Variants in PTPRT observed in about 807,000 individuals in gnomAD.
PTPRT encodes the protein receptor-type tyrosine-protein phosphatase T.
In PTPRT, 56 loss-of-function variants were observed where a neutral mutation model predicts 176.8. That is an observed-to-expected ratio of 0.32 (90% CI 0.26 to 0.40). The LOEUF (loss-of-function observed/expected upper bound fraction) is 0.40. Ranked by LOEUF, PTPRT falls within the 10% of genes least tolerant of loss-of-function variation. The pLI is 1.00. For synonymous variants in PTPRT, 783 were observed against 739.0 expected (o/e 1.06, Z -0.96); for missense variants, 1,540 against 1,908.2 (o/e 0.81, Z 3.60).
At chr20:42,161,036 C>T (rs6130062) in intron 17 of PTPRT, among the ~76,000 whole-genome samples, 45,896 of 151,838 alleles carry the variant, frequency 0.3, 7,906 homozygotes, top group Non-Finnish European at 0.36. Context: ...CTCCAAAGTG[C>T]AGAAACGTTG....
intron 2 of PTPRT, among the ~76,000 whole-genome samples, chr20:42,820,688 G>A (rs1047652606): frequency 2.6e-5 from 4 of 151,538 alleles, no homozygotes; most frequent in Non-Finnish European, 4.4e-5. Flanking sequence ...AAGAAGAGGA[G>A]AAAGAAGAAT....
At chr20:43,066,140 A>T (rs1317270473) in intron 1 of PTPRT, among the ~76,000 whole-genome samples, 2 of 151,966 alleles carry the variant, frequency 1.3e-5, no homozygotes, top group African/African-American at 4.8e-5. Context: ...TCTCCTTCCA[A>T]ATTTACATAA....
At chr20:42,184,781 C>T (rs1020639554) in intron 16 of PTPRT, among the ~76,000 whole-genome samples, 2 of 106,482 alleles carry the variant, frequency 1.9e-5, no homozygotes, top group African/African-American at 7.8e-5. Context: ...GCATGCACCA[C>T]CACACCCGGC....
intron 16 of PTPRT, among the ~76,000 whole-genome samples, chr20:42,164,832 T>C (rs1332652393): frequency 1.3e-5 from 2 of 152,346 alleles, no homozygotes; most frequent in East Asian, 3.9e-4. Flanking sequence ...GCTCATAAAA[T>C]GTAACTCACA....
intron 1 of PTPRT, among the ~76,000 whole-genome samples, chr20:43,118,079 C>A (rs1005403614): frequency 2.6e-5 from 4 of 152,238 alleles, no homozygotes; most frequent in Admixed American, 6.5e-5. Flanking sequence ...CAGCAAAATT[C>A]TTCTGTAAAG....
chr20:42,294,602 A>C (rs1325873050), intron 12 of PTPRT, among the ~76,000 whole-genome samples: 1 of 152,030 alleles, frequency 6.6e-6, no homozygotes, highest in East Asian at 1.9e-4. Context: ...AATTTTTTAA[A>C]ATTTGAAAGA....
intron 7 of PTPRT, among the ~76,000 whole-genome samples, chr20:42,617,630 C>T (rs1208251614): frequency 7.2e-6 from 1 of 138,184 alleles, no homozygotes; most frequent in Admixed American, 6.9e-5. Flanking sequence ...TGTTATTGGT[C>T]TATTCAGAGA....
the PTPRT span, among the ~76,000 whole-genome samples, chr20:42,059,081 T>G: frequency 6.6e-6 from 1 of 151,846 alleles, no homozygotes; most frequent in Admixed American, 6.6e-5. Flanking sequence ...TGCTGCAGAG[T>G]GAGAAGTGGG....
chr20:42,850,784 C>G (rs2078455026), intron 2 of PTPRT, among the ~76,000 whole-genome samples: 1 of 152,184 alleles, frequency 6.6e-6, no homozygotes, highest in Admixed American at 6.5e-5. Flanking sequence ...CTGGAGCTCA[C>G]TTTGGAGCAT....
intron 7 of PTPRT, among the ~76,000 whole-genome samples, chr20:42,669,909 G>C (rs141411686): frequency 2.0e-5 from 3 of 152,082 alleles, no homozygotes; most frequent in Non-Finnish European, 4.4e-5. Context: ...AAGCATCTGC[G>C]TAACATGGTT....
At chr20:42,310,738 C>T (rs907522184) in intron 12 of PTPRT, among the ~76,000 whole-genome samples, 18 of 152,124 alleles carry the variant, frequency 1.2e-4, no homozygotes, top group Admixed American at 9.2e-4. Flanking sequence ...ACAACATGGT[C>T]TAATTCATAA....
intron 12 of PTPRT, among the ~76,000 whole-genome samples, chr20:42,291,419 A>C (rs1010722505): frequency 6.6e-6 from 1 of 152,208 alleles, no homozygotes; most frequent in Non-Finnish European, 1.5e-5. Flanking sequence ...GGAGATATGC[A>C]ATAAACACAC....
chr20:42,552,097 T>C (rs1049842215), intron 7 of PTPRT, among the ~76,000 whole-genome samples: 1 of 152,156 alleles, frequency 6.6e-6, no homozygotes, highest in South Asian at 2.1e-4. Context: ...GGAATAAATA[T>C]AGGGAAACCT....
chr20:42,351,346 A>G (rs933240), intron 10 of PTPRT, among the ~76,000 whole-genome samples: 102,545 of 152,046 alleles, frequency 0.67, 34,720 homozygotes, highest in East Asian at 0.89. Context: ...ATTTTGTAAA[A>G]ACACGGAAGC....
chr20:42,634,022 A>AAT (rs1408398599), intron 7 of PTPRT, among the ~76,000 whole-genome samples: 3 of 29,576 alleles, frequency 1.0e-4, no homozygotes, highest in East Asian at 1.3e-3. Context: ...ATATATATAT[A>AAT]ATATATATAT....
At chr20:42,100,444 T>C (rs147290951) in intron 26 of PTPRT, among the ~76,000 whole-genome samples, 1 of 152,366 alleles carries the variant, frequency 6.6e-6, no homozygotes, top group Non-Finnish European at 1.5e-5. Context: ...ACGACTTTTT[T>C]TTGTTTTTAA....
chr20:42,037,668 A>G, the PTPRT span, among the ~76,000 whole-genome samples: 1 of 152,218 alleles, frequency 6.6e-6, no homozygotes, highest in Non-Finnish European at 1.5e-5. Context: ...GGAGTTTCTC[A>G]GGATTCAGTT....
At chr20:42,107,474 T>A (rs564646315) in intron 23 of PTPRT, among the ~76,000 whole-genome samples, 28 of 152,298 alleles carry the variant, frequency 1.8e-4, no homozygotes, top group South Asian at 8.3e-4. Flanking sequence ...TTGTCAGGGA[T>A]CAAGTTTCTT....
chr20:42,104,785 C>T, intron 24 of PTPRT, 67 bp from the exon 25 acceptor site: 1 of 1,458,876 alleles, frequency 6.9e-7, no homozygotes, highest in South Asian at 1.2e-5. Flanking sequence ...TAGCTGTCCA[C>T]ATTTAGTGTT....
Sources: allele counts gnomAD v4.1 joint callset (sites outside exome capture counted in the v4.1 genomes callset), GRCh38; gene constraint gnomAD v4.1.1; transcripts MANE v1.5; gene names NCBI Gene and HGNC (gene_info 2026-07-23, HGNC 2026-07-21).